Variants in PPP2CA observed in about 807,000 individuals in gnomAD.
PPP2CA encodes protein phosphatase 2 catalytic subunit alpha.
PPP2CA carries 5 observed loss-of-function variants against 38.8 expected under a neutral mutation model. The observed-to-expected ratio is 0.13, with a 90% confidence interval of 0.07 to 0.27. The LOEUF (loss-of-function observed/expected upper bound fraction) is 0.27. Ranked by LOEUF, PPP2CA falls within the 10% of genes least tolerant of loss-of-function variation. PPP2CA has a pLI of 1.00. For synonymous variants in PPP2CA, 152 were observed against 134.0 expected (o/e 1.13, Z -0.93); for missense variants, 88 against 389.7 (o/e 0.23, Z 6.52).
chr5:134,224,282 A>G, intron 1 of PPP2CA: 1 of 455,914 alleles, frequency 2.2e-6, no homozygotes, highest in Non-Finnish European at 4.4e-6. Context: ...AGGGTAAAGA[A>G]ACAGGAGATT....
chr5:134,206,707 A>G (rs964341488), intron 1 of PPP2CA, among the ~76,000 whole-genome samples: 4 of 152,124 alleles, frequency 2.6e-5, no homozygotes, highest in Non-Finnish European at 5.9e-5. Flanking sequence ...CTCCACCCTC[A>G]TCCTCCCAAG....
intron 4 of PPP2CA, among the ~76,000 whole-genome samples, chr5:134,200,736 C>T (rs529247478): frequency 6.6e-6 from 1 of 152,308 alleles, no homozygotes; most frequent in East Asian, 1.9e-4. Flanking sequence ...AATTAATCTG[C>T]CTATATTATG....
chr5:134,213,357 AT>A (rs1183714480), intron 1 of PPP2CA, among the ~76,000 whole-genome samples: 15 of 152,200 alleles, frequency 9.9e-5, no homozygotes, highest in Admixed American at 3.9e-4. Context: ...ATGACAGCAC[AT>A]CTGCTTACAG....
rs1229252896 is a variant in PPP2CA, at chr5:134,196,594, T to TA, written c.*1177dup. The TA allele has an allele frequency of 6.6e-6, 1 of 152,216 alleles. No homozygotes were observed. Among genetic ancestry groups the TA allele is most frequent in the Non-Finnish European group, 1.5e-5 (1 of 68,032 alleles). 9.4% of individuals were successfully genotyped at this position (152,216 alleles called of 1,614,324 possible). On this transcript the variant is annotated 3_prime_UTR_variant, in exon 7 of 7. Coordinates refer to ENST00000481195, the MANE Select transcript of PPP2CA (RefSeq NM_002715.4). ...TGAGACAAATTTAACTCTAAGAACA[T>TA]ATGACTCAACAATGTACAAAGATTT... is the stretch of plus-strand genomic sequence containing the variant.
intron 4 of PPP2CA, among the ~76,000 whole-genome samples, 168 bp downstream of exon 4, chr5:134,200,817 C>T (rs1761953198): frequency 1.3e-5 from 2 of 152,226 alleles, no homozygotes; most frequent in Non-Finnish European, 2.9e-5. Flanking sequence ...GTGATCTTGG[C>T]AGGTTTCTTA....
chr5:134,224,354 A>G (rs1407257760), intron 1 of PPP2CA: 1 of 450,166 alleles, frequency 2.2e-6, no homozygotes, highest in Non-Finnish European at 4.4e-6. Context: ...ATCCACTAGT[A>G]GTAGTTTTGT....
chr5:134,200,425 A>G lies in PPP2CA; in HGVS notation c.648T>C (p.Ala216=). ...RGGWGISPRG[A]GYTFGQDISE... is the part of the protein sequence containing the mutation. The stretch of plus-strand genomic sequence containing the variant: ...AAATATCTTGCCCAAAGGTGTAACC[A>G]GCTCCTCGAGGAGATATACCCCAAC... Residue 216 remains alanine (A), a synonymous_variant, in exon 5 of 7, where the codon GCT becomes GCC. Coordinates refer to ENST00000481195, the MANE Select transcript of PPP2CA (RefSeq NM_002715.4). 1 of 1,614,244 alleles carries G rather than the reference A, an allele frequency of 6.2e-7. No individual in the cohort carries two copies. Among genetic ancestry groups the G allele is most frequent in the Admixed American group, 1.7e-5 (1 of 60,028 alleles).
At chr5:134,197,871 T>C in intron 6 of PPP2CA, 27 bp from the exon 7 acceptor site, 1 of 1,599,084 alleles carries the variant, frequency 6.3e-7, no homozygotes, top group Non-Finnish European at 8.6e-7. Context: ...ATTCATGGTT[T>C]ATGTTCCACG....
chr5:134,199,701 C>T (rs1213409505), intron 5 of PPP2CA, among the ~76,000 whole-genome samples: 1 of 152,130 alleles, frequency 6.6e-6, no homozygotes, highest in Non-Finnish European at 1.5e-5. Context: ...ATGCAATATG[C>T]CTCTAGGATC....
intron 1 of PPP2CA, among the ~76,000 whole-genome samples, chr5:134,223,148 A>C (rs1344044358): frequency 6.6e-6 from 1 of 152,196 alleles, no homozygotes; most frequent in Non-Finnish European, 1.5e-5. Context: ...TGAAGAAATT[A>C]TCAACTATTA....
intron 2 of PPP2CA, among the ~76,000 whole-genome samples, chr5:134,203,781 G>C (rs1286454147): frequency 6.6e-6 from 1 of 152,128 alleles, no homozygotes; most frequent in Non-Finnish European, 1.5e-5. Flanking sequence ...AAATGCAGTG[G>C]AGTAGCTCAC....
At chr5:134,203,183 T>G (rs930352772) in intron 2 of PPP2CA, among the ~76,000 whole-genome samples, 1 of 152,194 alleles carries the variant, frequency 6.6e-6, no homozygotes, top group Admixed American at 6.5e-5. Context: ...AAAGTCCGAT[T>G]TTTCAATTTT....
intron 1 of PPP2CA, among the ~76,000 whole-genome samples, chr5:134,215,722 A>T (rs546430899): frequency 7.2e-5 from 11 of 152,176 alleles, no homozygotes; most frequent in Non-Finnish European, 1.5e-4. Flanking sequence ...TATAGGTGTA[A>T]GTCACCAGGC....
chr5:134,199,303 C>G, intron 5 of PPP2CA, 99 bp from the exon 6 acceptor site: 1 of 848,442 alleles, frequency 1.2e-6, no homozygotes, highest in Middle Eastern at 2.3e-4. Context: ...ATTCCCACCC[C>G]TGCCAAAGGG....
At position 134,200,516 on chromosome 5, in the gene PPP2CA, T is replaced by G; in HGVS notation, c.577-20A>C. ...TGGACCCTAAAAAATAACTTCAAGT[T>G]ATAAAATGCCTTTTACAAACATGGT... On this transcript the variant is annotated intron_variant, in intron 4 of 6. Coordinates refer to ENST00000481195, the MANE Select transcript of PPP2CA (RefSeq NM_002715.4). The G allele has an allele frequency of 6.2e-7, 1 of 1,607,550 alleles. No homozygotes were observed. Among genetic ancestry groups the G allele is most frequent in the South Asian group, 1.1e-5 (1 of 89,958 alleles).
At chr5:134,205,513 C>G (rs1255484660) in intron 2 of PPP2CA, 1 of 169,898 alleles carries the variant, frequency 5.9e-6, no homozygotes, top group African/African-American at 2.5e-5. Context: ...TCCAGAGTAG[C>G]TGGGATTACA....
chr5:134,222,673 G>C (rs762324112), intron 1 of PPP2CA, among the ~76,000 whole-genome samples: 3 of 152,148 alleles, frequency 2.0e-5, no homozygotes, highest in Non-Finnish European at 2.9e-5. Context: ...CAATGCAAAA[G>C]CAAGTTGATA....
chr5:134,196,032 G>A lies in PPP2CA; in HGVS notation c.*1740C>T, dbSNP rs1226169328. 1 of 152,148 alleles carries A rather than the reference G, an allele frequency of 6.6e-6. No individual in the cohort carries two copies. Among genetic ancestry groups the A allele is most frequent in the Non-Finnish European group, 1.5e-5 (1 of 68,018 alleles). 9.4% of individuals were successfully genotyped at this position (152,148 alleles called of 1,614,324 possible). A position where few individuals can be genotyped will look rare whatever the true frequency, so the allele number is the denominator to read the frequency against. On this transcript the variant is annotated 3_prime_UTR_variant, in exon 7 of 7. Transcript: ENST00000481195. ...CAGTCGGAGAGAAAGGGCATAGAGT[G>A]ACAGAGCAACAAAAAGACACACAGA...
chr5:134,199,414 A>G lies in PPP2CA; in HGVS notation c.739-210T>C, dbSNP rs1020973310. Reference sequence around the variant, plus strand: ...ATGTATTTATTTTCCCCCTAATTACAAAACTTGTTTTTTTTTTAGTACTTT... The same window carrying G: ...ATGTATTTATTTTCCCCCTAATTACGAAACTTGTTTTTTTTTTAGTACTTT... On this transcript the variant is annotated intron_variant, in intron 5 of 6. Transcript: ENST00000481195. 1.1e-4 allele frequency: 43 copies of G among 379,852 alleles called. No individual in the cohort carries two copies. The East Asian group carries it at 1.6e-3, about 14-fold the overall frequency. The allele number at this position is 379,852 out of a possible 1,614,324, so 23.5% of individuals were successfully genotyped here.
Sources: allele counts gnomAD v4.1 joint callset (sites outside exome capture counted in the v4.1 genomes callset), GRCh38; gene constraint gnomAD v4.1.1; transcripts MANE v1.5; gene names NCBI Gene and HGNC (gene_info 2026-07-23, HGNC 2026-07-21).